Variants in FILIP1 observed in about 807,000 individuals in gnomAD.
FILIP1 encodes filamin A interacting protein 1.
Under a neutral mutation model 102.1 loss-of-function variants are expected in FILIP1, and 61 were observed. The ratio of observed to expected loss-of-function variants is 0.60; its 90% CI spans 0.49 to 0.74. FILIP1 has a LOEUF of 0.74. Among genes scored for constraint, FILIP1 ranks in the 30% least tolerant of loss-of-function variants. FILIP1 has a pLI of 0.00. For missense variants in FILIP1, 1,314 were observed against 1,441.2 expected (o/e 0.91, Z 1.43); for synonymous variants, 491 against 526.9 (o/e 0.93, Z 0.93).
At chr6:75,311,200 TG>T (rs1294355045) in intron 5 of FILIP1, among the ~76,000 whole-genome samples, 1 of 152,190 alleles carries the variant, frequency 6.6e-6, no homozygotes. Context: ...TTTACTTTTT[TG>T]AGACACGGTC....
intron 2 of FILIP1, chr6:75,367,583 T>C (rs1775378342): frequency 6.6e-6 from 1 of 152,008 alleles, no homozygotes; most frequent in Non-Finnish European, 1.5e-5. Context: ...TCACAATGAG[T>C]CACAGTGAGC....
At chr6:75,353,425 C>T (rs1774877277) in intron 4 of FILIP1, 114 bp downstream of exon 4, 2 of 1,102,984 alleles carry the variant, frequency 1.8e-6, no homozygotes, top group Admixed American at 4.5e-5. Flanking sequence ...TGACATTAGA[C>T]CCTGGGCACC....
rs1428101766 is a variant in FILIP1, at chr6:75,372,939, T to C, written c.277-10022A>G. The stretch of plus-strand genomic sequence containing the variant: ...AAATTAAAAGTAGATTACCATATGA[T>C]CCCAAAAGAATCAAAAGCAGAGATT... On this transcript the variant is annotated intron_variant, in intron 2 of 5. Coordinates refer to ENST00000237172, the MANE Select transcript of FILIP1 (RefSeq NM_015687.5). Among the ~76,000 whole-genome samples, 4 of 152,184 alleles carry C rather than the reference T, an allele frequency of 2.6e-5. No individual in the cohort carries two copies. In the South Asian group the frequency reaches 8.3e-4, roughly 32 times the overall value.
chr6:75,469,992 G>T (rs1779283609), intron 1 of FILIP1, among the ~76,000 whole-genome samples: 1 of 152,130 alleles, frequency 6.6e-6, no homozygotes, highest in Non-Finnish European at 1.5e-5. Context: ...TAGACATATT[G>T]TCTGTAAGGT....
At position 75,339,131 on chromosome 6, in the gene FILIP1, A is replaced by T. The variant is rs115631839; in HGVS notation, c.629+14408T>A. Among the ~76,000 whole-genome samples the T allele has an allele frequency of 7.1e-3, 1,087 of 152,356 alleles. 9 individuals are homozygous for T. The highest frequency in any genetic ancestry group is 0.02 in the Middle Eastern group (6 of 294). On this transcript the variant is annotated intron_variant, in intron 4 of 5. Transcript: ENST00000237172. ...TTTCCAAAATCTGTTACTAGAAAGC[A>T]CTAGTTGTTCACTGTCTAAATGTTT... is the stretch of plus-strand genomic sequence containing the variant.
At chr6:75,366,123 A>G (rs1401209295) in intron 2 of FILIP1, 1 of 152,246 alleles carries the variant, frequency 6.6e-6, no homozygotes, top group African/African-American at 2.4e-5. Context: ...TATAAGGATT[A>G]TAGGTTTTCC....
intron 4 of FILIP1, among the ~76,000 whole-genome samples, chr6:75,341,501 A>G (rs186737185): frequency 1.3e-5 from 2 of 152,052 alleles, no homozygotes; most frequent in African/African-American, 4.8e-5. Flanking sequence ...TTAGAATATG[A>G]TCCTTTCCAT....
chr6:75,296,341 TTGTGTGTGTGTG>T (rs57430339), intron 6 of FILIP1, among the ~76,000 whole-genome samples: 40 of 141,482 alleles, frequency 2.8e-4, no homozygotes, highest in African/African-American at 6.6e-4. Flanking sequence ...TTCAATTTCT[TTGTGTGTGTGTG>T]TGTGTGTGTG....
chr6:75,456,106 C>T (rs938096450), intron 1 of FILIP1, among the ~76,000 whole-genome samples: 2 of 152,184 alleles, frequency 1.3e-5, no homozygotes, highest in South Asian at 4.1e-4. Context: ...TCTTCCTCCA[C>T]ACTAAGAGGC....
At chr6:75,291,990 CAG>C (rs1005311891) in exon 7 of FILIP1, 1 of 152,152 alleles carries the variant, frequency 6.6e-6, no homozygotes, top group Middle Eastern at 3.2e-3. Context: ...TTGGAAGTAA[CAG>C]AGAATGTTTT....
In FILIP1 at chr6:75,314,308, C is replaced by T. The variant is rs1773341536; in HGVS notation, c.1524G>A (p.Leu508=). The T allele has an allele frequency of 5.2e-6, 8 of 1,525,976 alleles. No homozygotes were observed. Among genetic ancestry groups the T allele is most frequent in the Middle Eastern group, 1.8e-4 (1 of 5,678 alleles). The allele number at this position is 1,525,976 out of a possible 1,614,324, so 94.5% of individuals were successfully genotyped here. The change falls in exon 5 of 6, where the codon CTG becomes CTA. Residue 508 remains leucine, a synonymous_variant. Transcript: ENST00000237172. The stretch of plus-strand genomic sequence containing the variant: ...CCATCATATTTTTCCTTTCATCAAC[C>T]AGCATCACGGTAAATGACTTCAACT... ...LTKLKSFTVM[L]VDERKNMMEK...
chr6:75,339,811 G>C lies in FILIP1; in HGVS notation c.629+13728C>G, dbSNP rs114184557. ...AAAAATACACCATTTAGCCAGGCAC[G>C]GTGGTGGGCACCTGTAGTTCCAGGT... On this transcript the variant is annotated intron_variant, in intron 4 of 5. Coordinates refer to ENST00000237172, the MANE Select transcript of FILIP1 (RefSeq NM_015687.5). Among the ~76,000 whole-genome samples, 343 of 152,122 alleles carry C rather than the reference G, an allele frequency of 2.3e-3. 3 individuals are homozygous for C. The highest frequency in any genetic ancestry group is 8.0e-3 in the African/African-American group (330 of 41,496).
Position 75,313,303 on chromosome 6 carries a change from C to T in FILIP1, c.2529G>A (p.Leu843=). 3 of 1,614,198 alleles carry T rather than the reference C, an allele frequency of 1.9e-6. No individual in the cohort carries two copies. ...HIMSNLRQVG[L]KKPVERSSVL... ...CAGAAGATCTTTCCACGGGTTTCTT[C>T]AATCCCACCTGCCGAAGATTACTCA... The change falls in exon 5 of 6, where the codon TTG becomes TTA. Residue 843 remains leucine (L), a synonymous_variant. Coordinates refer to ENST00000237172, the MANE Select transcript of FILIP1 (RefSeq NM_015687.5). This position sits in a 1 kb window ranked among gnomAD's most constrained non-coding sequence, Gnocchi z 4.2.
intron 4 of FILIP1, among the ~76,000 whole-genome samples, chr6:75,329,528 C>G (rs912711287): frequency 6.6e-6 from 1 of 152,158 alleles, no homozygotes; most frequent in African/African-American, 2.4e-5. Context: ...TTCTTCAACT[C>G]TCCCCTTGGG....
chr6:75,485,215 T>A (rs1779750169), intron 1 of FILIP1, among the ~76,000 whole-genome samples: 1 of 152,212 alleles, frequency 6.6e-6, no homozygotes, highest in Non-Finnish European at 1.5e-5. Flanking sequence ...ATGTAACACA[T>A]CTCTGCCTTT....
At chr6:75,367,531 G>C (rs548503319) in intron 2 of FILIP1, 1 of 152,306 alleles carries the variant, frequency 6.6e-6, no homozygotes, top group African/African-American at 2.4e-5. Context: ...AGCTACTTGG[G>C]AGGCTGAGGC....
intron 4 of FILIP1, among the ~76,000 whole-genome samples, chr6:75,329,902 A>G (rs1562466555): frequency 2.0e-5 from 3 of 152,136 alleles, no homozygotes; most frequent in Admixed American, 6.6e-5. Flanking sequence ...CCTCAAGCAT[A>G]TCCTTTGTGT....
At chr6:75,416,152 AACCCAACCAT>A (rs1466341915) in intron 1 of FILIP1, among the ~76,000 whole-genome samples, 4 of 152,162 alleles carry the variant, frequency 2.6e-5, no homozygotes, top group Admixed American at 2.0e-4. Flanking sequence ...TTCCTTTATG[AACCCAACCAT>A]ACTTAAGAAA....
chr6:75,351,028 T>C (rs1177892047), intron 4 of FILIP1, among the ~76,000 whole-genome samples: 1 of 152,202 alleles, frequency 6.6e-6, no homozygotes, highest in African/African-American at 2.4e-5. Context: ...ATGATGGTGG[T>C]GTGCCTGAGG....
Sources: gnomAD v4.1 joint callset for allele counts (sites outside exome capture counted in the v4.1 genomes callset) on GRCh38, gnomAD v4.1.1 for gene constraint, Gnocchi (gnomAD v3.1) non-coding constraint, MANE v1.5 for transcripts, NCBI Gene and HGNC (gene_info 2026-07-23, HGNC 2026-07-21) for gene names.